Variants in CCN6 observed in about 807,000 individuals in gnomAD.
CCN6 encodes the protein CCN family member 6.
A neutral mutation model predicts 37.4 loss-of-function variants in CCN6; 31 were observed. That is an observed-to-expected ratio of 0.83 (90% CI 0.62 to 1.12). The LOEUF (loss-of-function observed/expected upper bound fraction) is 1.12, where lower values mean the gene tolerates loss of function less well. Among genes scored for constraint, CCN6 ranks in the 50% most tolerant of loss-of-function variants. The probability of loss-of-function intolerance (pLI) is 0.00; values close to 1 mark genes in which losing one functional copy is unlikely to be tolerated. For missense variants in CCN6, 369 were observed against 413.8 expected, an observed-to-expected ratio of 0.89 and a Z score of 0.94; for synonymous variants, 137 against 142.1, an observed-to-expected ratio of 0.96 and a Z score of 0.26.
In CCN6 at chr6:112,068,087, CTGAGTTA is replaced by C. The variant is rs1401756929; in HGVS notation, c.590-116_590-110del. The C allele has an allele frequency of 3.6e-5, 31 of 866,498 alleles. No homozygotes were observed. The African/African-American group carries it at 4.3e-4, about 12-fold the overall frequency. The allele number at this position is 866,498 out of a possible 1,614,324, so 53.7% of individuals were successfully genotyped here. A position where few individuals can be genotyped will look rare whatever the true frequency, so the allele number is the denominator to read the frequency against. On this transcript the variant is annotated intron_variant, in intron 3 of 4. Transcript: ENST00000368666. The stretch of plus-strand genomic sequence containing the variant: ...AATTAGACCATCGGCTTCTTTTATT[CTGAGTTA>C]TATTATACAAAAATACTCAGATTTC...
chr6:112,061,376 T>A, intron 2 of CCN6, 88 bp downstream of exon 2: 1 of 1,572,832 alleles, frequency 6.4e-7, no homozygotes, highest in Non-Finnish European at 8.7e-7. Flanking sequence ...AGTGATCAGC[T>A]TAGTTTGGCT....
At chr6:112,056,162 T>G (rs1468201677) in intron 1 of CCN6, among the ~76,000 whole-genome samples, 5 of 152,204 alleles carry the variant, frequency 3.3e-5, no homozygotes, top group African/African-American at 9.6e-5. Flanking sequence ...ACATATTGAC[T>G]ATGTCCAGGC....
intron 3 of CCN6, 76 bp downstream of exon 3, chr6:112,065,073 A>G: frequency 6.2e-7 from 1 of 1,601,438 alleles, no homozygotes; most frequent in Non-Finnish European, 8.5e-7. Context: ...TATCATAGGT[A>G]CTCAGTAAGT....
At chr6:112,058,518 G>A (rs1357563618) in intron 1 of CCN6, among the ~76,000 whole-genome samples, 1 of 152,178 alleles carries the variant, frequency 6.6e-6, no homozygotes, top group African/African-American at 2.4e-5. Flanking sequence ...TACGGCTAGT[G>A]GAAGAGATAG....
intron 2 of CCN6, among the ~76,000 whole-genome samples, chr6:112,061,932 T>C (rs1245870846): frequency 1.3e-5 from 2 of 152,182 alleles, no homozygotes; most frequent in Non-Finnish European, 2.9e-5. Context: ...GAAACACTCA[T>C]GTCACCTGGG....
rs1245365999 is a variant in CCN6 at position 112,060,919 on chromosome 6, G to A, written c.49-72G>A. The A allele has an allele frequency of 2.5e-6, 4 of 1,579,930 alleles. No homozygotes were observed. The African/African-American group carries it at 4.0e-5, about 16-fold the overall frequency. ...CACTCTGTATACTACCTGTTTGGGG[G>A]AAATCTTCTATTCCTGTTATACTAT... On this transcript the variant is annotated intron_variant, in intron 1 of 4. Transcript: ENST00000368666.
At chr6:112,066,996 C>T in intron 3 of CCN6, 1 of 1,366,340 alleles carries the variant, frequency 7.3e-7, no homozygotes, top group Non-Finnish European at 9.8e-7. Flanking sequence ...AATCTGCTTC[C>T]TGCATTGAGG....
At chr6:112,060,950 A>G in intron 1 of CCN6, 41 bp from the exon 2 acceptor site, 2 of 1,611,110 alleles carry the variant, frequency 1.2e-6, no homozygotes, top group Middle Eastern at 1.9e-4. Flanking sequence ...ACTATTACAT[A>G]GAGAAGCTAT....
intron 1 of CCN6, chr6:112,059,977 T>A: frequency 7.4e-7 from 1 of 1,357,330 alleles, no homozygotes; most frequent in Non-Finnish European, 9.8e-7. Context: ...ACTGAGAAAT[T>A]TGAGCACAGA....
At chr6:112,066,215 G>A (rs587601244) in intron 3 of CCN6, among the ~76,000 whole-genome samples, 9 of 152,096 alleles carry the variant, frequency 5.9e-5, no homozygotes, top group African/African-American at 2.2e-4. Flanking sequence ...TCAGTTGACA[G>A]CATGACACTG....
chr6:112,065,134 CT>C (rs1459578436), intron 3 of CCN6, 137 bp downstream of exon 3: 11 of 1,381,382 alleles, frequency 8.0e-6, no homozygotes, highest in Non-Finnish European at 1.1e-5. Flanking sequence ...TATCATTTTA[CT>C]TAATCTTTGC....
intron 3 of CCN6, among the ~76,000 whole-genome samples, chr6:112,066,157 GA>G (rs1444209223): frequency 2.6e-5 from 4 of 151,644 alleles, no homozygotes; most frequent in Non-Finnish European, 4.4e-5. Context: ...CAGTAAATTA[GA>G]AAAAAAATTT....
intron 3 of CCN6, among the ~76,000 whole-genome samples, chr6:112,066,117 A>C (rs1197649816): frequency 6.6e-6 from 1 of 152,232 alleles, no homozygotes; most frequent in Non-Finnish European, 1.5e-5. Context: ...AACTCTATGA[A>C]AGGAACATCC....
At chr6:112,053,400 G>A (rs587651160), upstream of CCN6, among the ~76,000 whole-genome samples, 13 of 151,234 alleles carry the variant, frequency 8.6e-5, no homozygotes, top group Admixed American at 1.3e-4. Flanking sequence ...AGGTTCAAGC[G>A]ATTCTCCTGC....
At chr6:112,067,103 TGAAA>T in intron 3 of CCN6, 8 of 1,172,918 alleles carry the variant, frequency 6.8e-6, no homozygotes, top group Non-Finnish European at 9.3e-6. Flanking sequence ...GTCATAACAC[TGAAA>T]GCAGTGTCAC....
At chr6:112,062,218 AG>A (rs782715662) in intron 2 of CCN6, among the ~76,000 whole-genome samples, 1 of 152,222 alleles carries the variant, frequency 6.6e-6, no homozygotes, top group Non-Finnish European at 1.5e-5. Flanking sequence ...CCTAGCTTAT[AG>A]AGTTGCTGGG....
intron 1 of CCN6, among the ~76,000 whole-genome samples, chr6:112,055,300 A>G (rs1190271860): frequency 6.6e-6 from 1 of 152,072 alleles, no homozygotes; most frequent in African/African-American, 2.4e-5. Context: ...GGAGGGGCTC[A>G]CTCCCCTGTC....
Position 112,061,092 on chromosome 6 carries a change from G to A in CCN6, c.150G>A (p.Trp50Ter). The A allele has an allele frequency of 6.2e-7, 1 of 1,614,150 alleles. No individual in the cohort carries two copies. Among genetic ancestry groups the A allele is most frequent in the Non-Finnish European group, 8.5e-7 (1 of 1,180,022 alleles). Residue 50 changes from tryptophan to a stop codon, truncating the protein, a stop_gained, in exon 2 of 5, where the codon TGG becomes TGA. Transcript: ENST00000368666. LOFTEE classifies it high-confidence loss of function. ...DAPQRKQFCH[W>*]PCKCPQQKPR... ...CTCAGCGTAAACAGTTTTGTCACTGGCCCTGCAAATGCCCTCAGCAGAAGC... is the reference window on the plus strand; with the variant it reads ...CTCAGCGTAAACAGTTTTGTCACTGACCCTGCAAATGCCCTCAGCAGAAGC...
chr6:112,069,272 T>C (rs782201112), intron 4 of CCN6, 67 bp from the exon 5 acceptor site: 12 of 1,537,432 alleles, frequency 7.8e-6, no homozygotes, highest in Non-Finnish European at 1.1e-5. Flanking sequence ...CTATAAACTA[T>C]TCTACATGTT....
Sources: gnomAD v4.1 joint callset for allele counts (sites outside exome capture counted in the v4.1 genomes callset) on GRCh38, gnomAD v4.1.1 for gene constraint, MANE v1.5 for transcripts, NCBI Gene and HGNC (gene_info 2026-07-23, HGNC 2026-07-21) for gene names.